The following VWA8 variants were observed in gnomAD, a reference collection of about 807,000 sequenced individuals.
VWA8 encodes von Willebrand factor A domain-containing protein 8.
VWA8 carries 221 observed loss-of-function variants against 241.5 expected under a neutral mutation model. The ratio of observed to expected loss-of-function variants is 0.91; its 90% CI spans 0.82 to 1.02. The LOEUF (loss-of-function observed/expected upper bound fraction) is 1.02, where lower values mean the gene tolerates loss of function less well. VWA8 is among the 50% of genes least tolerant of loss of function. The pLI, the probability that VWA8 is intolerant of heterozygous loss-of-function variation, is 0.00. For synonymous variants in VWA8, 852 were observed against 827.1 expected (o/e 1.03, Z -0.52); for missense variants, 2,322 against 2,328.7 (o/e 1.00, Z 0.06).
At chr13:41,574,246 A>T (rs1249185186) in intron 43 of VWA8, among the ~76,000 whole-genome samples, 3 of 152,122 alleles carry the variant, frequency 2.0e-5, no homozygotes, top group African/African-American at 7.2e-5. Flanking sequence ...CAAAATCAAT[A>T]TACTCAAATC....
At chr13:41,898,677 C>T (rs1875263848) in intron 4 of VWA8, among the ~76,000 whole-genome samples, 1 of 152,194 alleles carries the variant, frequency 6.6e-6, no homozygotes, top group Admixed American at 6.5e-5. Flanking sequence ...CCCACGGAGG[C>T]GGGGGAAGGC....
At chr13:41,818,343 GGGT>G (rs1870791820) in intron 15 of VWA8, among the ~76,000 whole-genome samples, 2 of 151,234 alleles carry the variant, frequency 1.3e-5, no homozygotes, top group African/African-American at 4.8e-5. Flanking sequence ...GGCCAAGGGG[GGGT>G]GGATCAATTG....
intron 21 of VWA8, among the ~76,000 whole-genome samples, chr13:41,742,330 G>A (rs1441874379): frequency 1.3e-5 from 2 of 152,148 alleles, no homozygotes; most frequent in Non-Finnish European, 1.5e-5. Context: ...CATACTCCAG[G>A]CATCATGCTG....
At chr13:41,943,721 A>G (rs1251967218) in intron 2 of VWA8, among the ~76,000 whole-genome samples, 1 of 152,230 alleles carries the variant, frequency 6.6e-6, no homozygotes, top group African/African-American at 2.4e-5. Flanking sequence ...TGACTTTAAT[A>G]TATACTTCAC....
chr13:41,747,562 C>T (rs887079661), intron 21 of VWA8, among the ~76,000 whole-genome samples: 23 of 152,196 alleles, frequency 1.5e-4, no homozygotes, highest in African/African-American at 5.5e-4. Flanking sequence ...AATTTGACTT[C>T]TTCTTTTCCT....
chr13:41,571,281 C>T lies in VWA8; in HGVS notation c.5371-575G>A, dbSNP rs541557014. Among the ~76,000 whole-genome samples, 145 of 150,014 alleles carry T rather than the reference C, an allele frequency of 9.7e-4. 1 individual carries two copies. The highest frequency in any genetic ancestry group is 3.4e-3 in the African/African-American group (139 of 40,900). On this transcript the variant is annotated intron_variant, in intron 43 of 44. Coordinates refer to ENST00000379310, the MANE Select transcript of VWA8 (RefSeq NM_015058.2). ...ATATCTAGAAAACCCTGTCCCTCTCCCGTCTCCCTCTCCCGTCTCCCTCTC... is the reference window on the plus strand; with the variant it reads ...ATATCTAGAAAACCCTGTCCCTCTCTCGTCTCCCTCTCCCGTCTCCCTCTC...
intron 37 of VWA8, among the ~76,000 whole-genome samples, chr13:41,629,342 G>A (rs1397289543): frequency 6.6e-6 from 1 of 151,744 alleles, no homozygotes; most frequent in African/African-American, 2.4e-5. Context: ...AATAAAATAT[G>A]GAAGGAAAAA....
At chr13:41,720,466 T>G (rs2045380888) in intron 25 of VWA8, among the ~76,000 whole-genome samples, 1 of 152,184 alleles carries the variant, frequency 6.6e-6, no homozygotes, top group Admixed American at 6.6e-5. Context: ...GATATTCCAA[T>G]GTATGTATGC....
chr13:41,618,076 T>G (rs998259971), intron 37 of VWA8, among the ~76,000 whole-genome samples: 1 of 152,236 alleles, frequency 6.6e-6, no homozygotes, highest in African/African-American at 2.4e-5. Flanking sequence ...ATGGTTGAAC[T>G]AGTTTACAGT....
At chr13:41,734,089 C>T (rs1352720134) in intron 21 of VWA8, among the ~76,000 whole-genome samples, 1 of 152,094 alleles carries the variant, frequency 6.6e-6, no homozygotes, top group Non-Finnish European at 1.5e-5. Flanking sequence ...CCTGTAATCC[C>T]GGCACTTTGT....
At chr13:41,586,324 T>A (rs1037247060) in intron 42 of VWA8, among the ~76,000 whole-genome samples, 2 of 152,158 alleles carry the variant, frequency 1.3e-5, no homozygotes, top group Non-Finnish European at 2.9e-5. Context: ...CAAGAGGGAA[T>A]CTTAAGCAGC....
At position 41,755,637 on chromosome 13, in the gene VWA8, C is replaced by G. The variant is rs190819508; in HGVS notation, c.2426+5491G>C. 5.3e-4 allele frequency among the ~76,000 whole-genome samples: 81 copies of G among 151,828 alleles called. 1 individual carries two copies. The highest frequency in any genetic ancestry group is 1.8e-3 in the African/African-American group (74 of 41,474). On this transcript the variant is annotated intron_variant, in intron 21 of 44. Coordinates refer to ENST00000379310, the MANE Select transcript of VWA8 (RefSeq NM_015058.2). ...TTATGGATCATTTGTTATTTTGTAA[C>G]AAATGGTTAGTATTAAAGACATCCT...
intron 17 of VWA8, among the ~76,000 whole-genome samples, chr13:41,806,467 G>A (rs887688288): frequency 3.9e-5 from 6 of 152,156 alleles, no homozygotes; most frequent in African/African-American, 1.4e-4. Flanking sequence ...ACTTTGGGAG[G>A]CTGAGGCCAG....
Position 41,671,027 on chromosome 13 carries a change from A to C in VWA8, c.4530T>G (p.Leu1510=). The change falls in exon 37 of 45, where the codon CTT becomes CTG. Residue 1510 remains leucine, a synonymous_variant. Transcript: ENST00000379310. ...VTVDMGGHIR[L]WETGLERLQR... The stretch of plus-strand genomic sequence containing the variant: ...GCAGACGTTCAAGTCCAGTTTCCCA[A>C]AGCCTGATGTGACCTCCCATATCAA... 1 of 1,614,008 alleles carries C rather than the reference A, an allele frequency of 6.2e-7. No homozygotes were observed. The highest frequency in any genetic ancestry group is 8.5e-7 in the Non-Finnish European group (1 of 1,179,906).
intron 37 of VWA8, among the ~76,000 whole-genome samples, chr13:41,645,668 T>C (rs1335604436): frequency 6.6e-6 from 1 of 152,126 alleles, no homozygotes; most frequent in African/African-American, 2.4e-5. Context: ...GACTGTTCCA[T>C]GAAAGACTTG....
At chr13:41,571,416 C>G (rs996125681) in intron 43 of VWA8, among the ~76,000 whole-genome samples, 22 of 151,596 alleles carry the variant, frequency 1.5e-4, no homozygotes, top group Non-Finnish European at 2.7e-4. Context: ...CTGGACTGTA[C>G]TGCCGCCATC....
rs141513959 is a variant in VWA8, at chr13:41,847,001, G to C, written c.1426-13470C>G. 4.9e-4 allele frequency among the ~76,000 whole-genome samples: 75 copies of C among 152,172 alleles called. 2 individuals carry two copies. In the East Asian group the frequency reaches 0.013, roughly 27 times the overall value. On this transcript the variant is annotated intron_variant, in intron 12 of 44. Coordinates refer to ENST00000379310, the MANE Select transcript of VWA8 (RefSeq NM_015058.2). ...AGATCATGCCACTGCACTCCAGCCT[G>C]GATGACACAGCAAGATTATGTCTCA... is the stretch of plus-strand genomic sequence containing the variant.
At chr13:41,707,876 C>T (rs1477834224) in intron 26 of VWA8, among the ~76,000 whole-genome samples, 1 of 152,182 alleles carries the variant, frequency 6.6e-6, no homozygotes, top group Non-Finnish European at 1.5e-5. Flanking sequence ...CCCCACTCCC[C>T]TATATTCCTT....
intron 37 of VWA8, among the ~76,000 whole-genome samples, chr13:41,650,981 A>T (rs1435477503): frequency 6.6e-6 from 1 of 152,186 alleles, no homozygotes; most frequent in Non-Finnish European, 1.5e-5. Flanking sequence ...CTTTAGCTTC[A>T]TTCTTCTCAT....
Sources: allele counts gnomAD v4.1 joint callset (sites outside exome capture counted in the v4.1 genomes callset), GRCh38; gene constraint gnomAD v4.1.1; transcripts MANE v1.5; gene names NCBI Gene and HGNC (gene_info 2026-07-23, HGNC 2026-07-21).